Variants in ERC2 observed in about 807,000 individuals in gnomAD.
The protein encoded by ERC2 is ELKS/RAB6-interacting/CAST family member 2, also known as ERC protein 2.
ERC2 carries 42 observed loss-of-function variants against 114.8 expected under a neutral mutation model. The ratio of observed to expected loss-of-function variants is 0.37; its 90% CI spans 0.29 to 0.47. ERC2 has a LOEUF of 0.47. Ranked by LOEUF, ERC2 falls within the 20% of genes least tolerant of loss-of-function variation. The probability of loss-of-function intolerance (pLI) is 0.99; values close to 1 mark genes in which losing one functional copy is unlikely to be tolerated. For synonymous variants in ERC2, 454 were observed against 425.5 expected (o/e 1.07, Z -0.82); for missense variants, 939 against 1,150.7 (o/e 0.82, Z 2.66).
At chr3:56,019,871 T>C (rs780381470) in intron 7 of ERC2, among the ~76,000 whole-genome samples, 2 of 152,164 alleles carry the variant, frequency 1.3e-5, no homozygotes, top group Non-Finnish European at 2.9e-5. Context: ...AACAATTTAT[T>C]CGTATTAAGG....
intron 14 of ERC2, among the ~76,000 whole-genome samples, chr3:55,831,061 C>A (rs138827206): frequency 6.6e-6 from 1 of 150,652 alleles, no homozygotes; most frequent in Non-Finnish European, 1.5e-5. Context: ...AATCCCAGTA[C>A]TTTGGGAGGC....
intron 17 of ERC2, among the ~76,000 whole-genome samples, chr3:55,621,053 C>T (rs2059304502): frequency 1.3e-5 from 2 of 152,124 alleles, no homozygotes; most frequent in Non-Finnish European, 2.9e-5. Flanking sequence ...GCAAAAATAG[C>T]CAGGAGGCCT....
intron 17 of ERC2, 146 bp from the exon 18 acceptor site, chr3:55,511,422 G>A (rs2052057685): frequency 1.3e-5 from 2 of 152,394 alleles, no homozygotes; most frequent in Non-Finnish European, 2.9e-5. Context: ...AGTGGGGAGG[G>A]GGTAAGGGGA....
intron 13 of ERC2, among the ~76,000 whole-genome samples, chr3:55,937,496 A>G (rs570269714): frequency 2.0e-4 from 31 of 152,354 alleles, no homozygotes; most frequent in Admixed American, 1.2e-3. Context: ...TTGGTCACAC[A>G]TGGGTTCCTA....
chr3:55,891,451 T>TC (rs2063597311), intron 13 of ERC2, among the ~76,000 whole-genome samples: 1 of 140,472 alleles, frequency 7.1e-6, no homozygotes, highest in African/African-American at 2.7e-5. Flanking sequence ...TTTTTTTTTT[T>TC]TTTTTTTTTT....
intron 14 of ERC2, among the ~76,000 whole-genome samples, chr3:55,864,316 G>C (rs1439920268): frequency 1.3e-5 from 2 of 150,280 alleles, no homozygotes; most frequent in Admixed American, 6.7e-5. Context: ...GCTTAATCCA[G>C]ATAAAGTTTT....
chr3:55,629,823 G>A (rs1335959232), intron 17 of ERC2, among the ~76,000 whole-genome samples: 3 of 152,256 alleles, frequency 2.0e-5, no homozygotes, highest in East Asian at 1.9e-4. Context: ...CCTGGAGGGT[G>A]TGGGAGTCCT....
intron 6 of ERC2, among the ~76,000 whole-genome samples, chr3:56,092,117 T>C (rs987574291): frequency 6.6e-6 from 1 of 152,234 alleles, no homozygotes; most frequent in Non-Finnish European, 1.5e-5. Context: ...AATTCAGGGA[T>C]ATTTAGTATC....
intron 13 of ERC2, among the ~76,000 whole-genome samples, chr3:55,908,431 C>T (rs567853723): frequency 7.1e-4 from 108 of 151,896 alleles, no homozygotes; most frequent in African/African-American, 2.4e-3. Context: ...GCAGGAAAGG[C>T]CAGGAAATGT....
intron 3 of ERC2, among the ~76,000 whole-genome samples, chr3:56,198,078 A>G (rs1001059880): frequency 3.9e-5 from 6 of 152,224 alleles, no homozygotes; most frequent in Non-Finnish European, 8.8e-5. Flanking sequence ...CAACAAAAAG[A>G]GGCCAGAGGA....
chr3:56,266,130 GA>G (rs2053283997), intron 3 of ERC2, among the ~76,000 whole-genome samples: 1 of 130,542 alleles, frequency 7.7e-6, no homozygotes, highest in African/African-American at 2.8e-5. Context: ...CAAATAACTA[GA>G]TTTTTTTTTT....
At chr3:56,301,436 C>T (rs564546163) in intron 2 of ERC2, among the ~76,000 whole-genome samples, 39 of 151,972 alleles carry the variant, frequency 2.6e-4, no homozygotes, top group Non-Finnish European at 2.9e-5. Context: ...CTTGATCATC[C>T]TTTTGCTTTA....
At chr3:55,641,586 A>C in intron 17 of ERC2, among the ~76,000 whole-genome samples, 1 of 146,762 alleles carries the variant, frequency 6.8e-6, no homozygotes, top group Admixed American at 6.8e-5. Context: ...AAAAGCCAAT[A>C]TACACTCCTT....
chr3:56,007,194 G>T lies in ERC2; in HGVS notation c.2048C>A (p.Ala683Glu). ...QKKEECSKLE[A>E]QLKKAHNIED... is the part of the protein sequence containing the mutation. Reference sequence around the variant, plus strand: ...GACTTCACTTACCTTTTTTAACTGTGCTTCCAATTTGCTACATTCCTCTTT... The same window carrying T: ...GACTTCACTTACCTTTTTTAACTGTTCTTCCAATTTGCTACATTCCTCTTT... Residue 683 changes from alanine (A) to glutamate (E), a missense_variant, in exon 10 of 18, where the codon GCA becomes GAA. Around this residue, in one of 5 missense-constraint regions of ERC2, gnomAD observed 328 missense variants for 353.9 expected, o/e 0.93. Coordinates refer to ENST00000288221, the MANE Select transcript of ERC2 (RefSeq NM_015576.3). 2 of 1,564,866 alleles carry T rather than the reference G, an allele frequency of 1.3e-6. No individual in the cohort carries two copies. Among genetic ancestry groups the T allele is most frequent in the Admixed American group, 1.9e-5 (1 of 51,590 alleles).
At chr3:55,601,511 G>A (rs1375219044) in intron 17 of ERC2, among the ~76,000 whole-genome samples, 1 of 152,182 alleles carries the variant, frequency 6.6e-6, no homozygotes, top group East Asian at 1.9e-4. Context: ...ATTCACACTG[G>A]TTGTGTGCAA....
intron 14 of ERC2, among the ~76,000 whole-genome samples, chr3:55,758,615 C>T (rs530790580): frequency 6.6e-6 from 1 of 152,230 alleles, no homozygotes; most frequent in East Asian, 1.9e-4. Context: ...TCTCCTAGGA[C>T]ATCGCTAGCC....
intron 6 of ERC2, among the ~76,000 whole-genome samples, chr3:56,101,076 A>G (rs533802083): frequency 6.6e-6 from 1 of 152,328 alleles, no homozygotes; most frequent in African/African-American, 2.4e-5. Flanking sequence ...TGCTCTTTCT[A>G]ATCTCTGTAA....
chr3:55,791,258 A>T (rs1023827504), intron 14 of ERC2, among the ~76,000 whole-genome samples: 1 of 152,186 alleles, frequency 6.6e-6, no homozygotes, highest in African/African-American at 2.4e-5. Context: ...TGTTTTGATA[A>T]AGATCATTTA....
At chr3:55,768,132 CCCAG>C (rs1428458312) in intron 14 of ERC2, among the ~76,000 whole-genome samples, 6 of 152,182 alleles carry the variant, frequency 3.9e-5, no homozygotes, top group Admixed American at 3.9e-4. Flanking sequence ...CTGAGGTCTC[CCCAG>C]CCATGCTTCT....
Sources: gnomAD v4.1 joint callset for allele counts (sites outside exome capture counted in the v4.1 genomes callset) on GRCh38, gnomAD v4.1.1 for gene constraint, gnomAD v4.1.1 regional missense constraint, MANE v1.5 for transcripts, NCBI Gene and HGNC (gene_info 2026-07-23, HGNC 2026-07-21) for gene names.